Variants in STX8 observed in about 807,000 individuals in gnomAD.
The protein encoded by STX8 is syntaxin 8, also known as syntaxin-8.
A neutral mutation model predicts 37.5 loss-of-function variants in STX8; 23 were observed. That is an observed-to-expected ratio of 0.61 (90% CI 0.44 to 0.87). The LOEUF (loss-of-function observed/expected upper bound fraction) is 0.87, where lower values mean the gene tolerates loss of function less well. STX8 is among the 40% of genes least tolerant of loss of function. The probability of loss-of-function intolerance (pLI) is 0.00; values close to 1 mark genes in which losing one functional copy is unlikely to be tolerated. For missense variants in STX8, 313 were observed against 284.7 expected, an observed-to-expected ratio of 1.10 and a Z score of -0.71; for synonymous variants, 115 against 99.1, an observed-to-expected ratio of 1.16 and a Z score of -0.95.
chr17:9,365,693 G>A (rs958593000), intron 7 of STX8, among the ~76,000 whole-genome samples: 4 of 152,254 alleles, frequency 2.6e-5, no homozygotes, highest in African/African-American at 9.6e-5. Context: ...AGACAGGGGG[G>A]CCACGTGAGG....
At chr17:9,542,633 C>T (rs948086527) in intron 4 of STX8, among the ~76,000 whole-genome samples, 4 of 149,994 alleles carry the variant, frequency 2.7e-5, no homozygotes, top group Non-Finnish European at 5.9e-5. Flanking sequence ...GCCAAGATTG[C>T]GCCACTGCAC....
intron 7 of STX8, among the ~76,000 whole-genome samples, chr17:9,269,141 T>C (rs952515797): frequency 1.3e-5 from 2 of 150,538 alleles, no homozygotes; most frequent in Non-Finnish European, 3.0e-5. Context: ...GAGCCGAGAT[T>C]GCGCCACTGC....
At chr17:9,539,774 C>T (rs911268387) in intron 4 of STX8, among the ~76,000 whole-genome samples, 2 of 151,370 alleles carry the variant, frequency 1.3e-5, no homozygotes, top group Non-Finnish European at 2.9e-5. Context: ...TAGGAATTAA[C>T]TGTAGAGAGG....
chr17:9,514,563 G>A (rs1008590808), intron 4 of STX8, among the ~76,000 whole-genome samples: 12 of 152,068 alleles, frequency 7.9e-5, no homozygotes, highest in Non-Finnish European at 1.0e-4. Context: ...CCAAGATTGC[G>A]CCACTGCACT....
chr17:9,441,318 TG>T, intron 6 of STX8, among the ~76,000 whole-genome samples: 1 of 151,730 alleles, frequency 6.6e-6, no homozygotes, highest in Non-Finnish European at 1.5e-5. Context: ...GATGAAACCC[TG>T]TCTCTACTAA....
intron 7 of STX8, among the ~76,000 whole-genome samples, chr17:9,326,479 T>C (rs901054254): frequency 1.3e-5 from 2 of 152,212 alleles, no homozygotes; most frequent in Non-Finnish European, 2.9e-5. Context: ...CTTTTCAAAT[T>C]ACTCAGTGTT....
chr17:9,568,599 C>T (rs546095983), intron 1 of STX8, 129 bp from the exon 2 acceptor site: 67 of 641,710 alleles, frequency 1.0e-4, no homozygotes, highest in Middle Eastern at 9.3e-4. Context: ...CTCCTGGGTT[C>T]GCACCATTCT....
intron 7 of STX8, among the ~76,000 whole-genome samples, chr17:9,262,124 C>A (rs960744035): frequency 2.6e-5 from 4 of 152,192 alleles, no homozygotes; most frequent in African/African-American, 7.2e-5. Flanking sequence ...AAGGCTTTGT[C>A]AATACACCAA....
intron 7 of STX8, among the ~76,000 whole-genome samples, chr17:9,340,822 T>C (rs1244843051): frequency 1.3e-5 from 2 of 150,720 alleles, no homozygotes; most frequent in Non-Finnish European, 1.5e-5. Flanking sequence ...TATGCCTGGC[T>C]AATTTTGTAT....
chr17:9,520,347 G>C (rs1323495992), intron 4 of STX8, among the ~76,000 whole-genome samples: 4 of 152,204 alleles, frequency 2.6e-5, no homozygotes, highest in Admixed American at 6.5e-5. Flanking sequence ...AATTTGGTCA[G>C]TAAAACACCT....
chr17:9,528,913 C>T (rs1905688207), intron 4 of STX8, among the ~76,000 whole-genome samples: 1 of 151,202 alleles, frequency 6.6e-6, no homozygotes, highest in Non-Finnish European at 1.5e-5. Context: ...AAGAAAAAGG[C>T]AAGAAAAGAA....
intron 6 of STX8, among the ~76,000 whole-genome samples, chr17:9,387,538 C>T (rs1912058451): frequency 6.6e-6 from 1 of 152,214 alleles, no homozygotes; most frequent in Admixed American, 6.5e-5. Flanking sequence ...CATGATCCGC[C>T]CGCCTTGGCC....
At chr17:9,288,435 G>A (rs1266814130) in intron 7 of STX8, among the ~76,000 whole-genome samples, 1 of 151,952 alleles carries the variant, frequency 6.6e-6, no homozygotes, top group Admixed American at 6.6e-5. Flanking sequence ...GCCGAGACGG[G>A]TGGATCACGA....
At chr17:9,422,537 A>C (rs900613465) in intron 6 of STX8, among the ~76,000 whole-genome samples, 1 of 152,378 alleles carries the variant, frequency 6.6e-6, no homozygotes, top group East Asian at 1.9e-4. Context: ...ATAAAAATGG[A>C]ATCATACAAT....
At chr17:9,544,294 A>G (rs902788795) in intron 4 of STX8, among the ~76,000 whole-genome samples, 3 of 152,130 alleles carry the variant, frequency 2.0e-5, no homozygotes, top group African/African-American at 7.2e-5. Flanking sequence ...GCCAATTCTA[A>G]AGAGGTAGCA....
rs1904630124 is a variant in STX8 at position 9,441,011 on chromosome 17, G to A, written c.541+50818C>T. ...GCTCCCAGGGGTTGACTCCACTCCT[G>A]TGCCTCATCCTTTCTCACATGCTTC... is the stretch of plus-strand genomic sequence containing the variant. On this transcript the variant is annotated intron_variant, in intron 6 of 7. Coordinates refer to ENST00000306357, the MANE Select transcript of STX8 (RefSeq NM_004853.3). Among the ~76,000 whole-genome samples, 3 of 152,216 alleles carry A rather than the reference G, an allele frequency of 2.0e-5. 1 individual carries two copies. Among genetic ancestry groups the A allele is most frequent in the Non-Finnish European group, 1.5e-5 (1 of 68,014 alleles).
At chr17:9,543,363 G>A (rs1004311757) in intron 4 of STX8, among the ~76,000 whole-genome samples, 7 of 150,546 alleles carry the variant, frequency 4.6e-5, no homozygotes, top group African/African-American at 1.2e-4. Context: ...GCGTGATCTC[G>A]GCTCACTGCA....
At chr17:9,352,458 T>A (rs1487509985) in intron 7 of STX8, among the ~76,000 whole-genome samples, 1 of 137,734 alleles carries the variant, frequency 7.3e-6, no homozygotes, top group Admixed American at 8.4e-5. Flanking sequence ...TCCCCATCCT[T>A]ACTCCCACTT....
intron 1 of STX8, among the ~76,000 whole-genome samples, chr17:9,573,440 C>T (rs989476999): frequency 6.6e-6 from 1 of 152,134 alleles, no homozygotes; most frequent in African/African-American, 2.4e-5. Flanking sequence ...CTACTTATGA[C>T]CTGGAAGCCC....
Sources: gnomAD v4.1 joint callset for allele counts (sites outside exome capture counted in the v4.1 genomes callset) on GRCh38, gnomAD v4.1.1 for gene constraint, MANE v1.5 for transcripts, NCBI Gene and HGNC (gene_info 2026-07-23, HGNC 2026-07-21) for gene names.